STARD13: variants seen among roughly 807,000 people sequenced by gnomAD.
STARD13 encodes the protein stAR-related lipid transfer protein 13.
In STARD13, 62 loss-of-function variants were observed where a neutral mutation model predicts 106.4. That is an observed-to-expected ratio of 0.58 (90% CI 0.48 to 0.72). STARD13 has a LOEUF of 0.72. Ranked by LOEUF, STARD13 falls within the 30% of genes least tolerant of loss-of-function variation. The pLI, the probability that STARD13 is intolerant of heterozygous loss-of-function variation, is 0.00. For missense variants in STARD13, 1,387 were observed against 1,424.0 expected (o/e 0.97, Z 0.42); for synonymous variants, 565 against 553.0 (o/e 1.02, Z -0.31).
intron 1 of STARD13, chr13:33,276,004 G>T (rs554840040): frequency 6.6e-6 from 1 of 152,156 alleles, no homozygotes; most frequent in Non-Finnish European, 1.5e-5. Context: ...GAATTCCTTC[G>T]CAGGCTTCTT....
intron 1 of STARD13, among the ~76,000 whole-genome samples, chr13:33,301,904 T>C (rs1184062371): frequency 6.6e-6 from 1 of 152,278 alleles, no homozygotes; most frequent in East Asian, 1.9e-4. Flanking sequence ...AGACTGGACT[T>C]GCCCATTTCT....
At chr13:33,623,803 TA>T in the STARD13 span, among the ~76,000 whole-genome samples, 5,111 of 151,886 alleles carry the variant, frequency 0.034, 210 homozygotes, top group East Asian at 0.17. Flanking sequence ...AAAAAAGTGT[TA>T]AAAAAAGACT....
At chr13:33,256,182 G>A (rs549007364) in intron 1 of STARD13, among the ~76,000 whole-genome samples, 4 of 152,312 alleles carry the variant, frequency 2.6e-5, no homozygotes, top group Admixed American at 1.3e-4. Context: ...CCTGTCACCA[G>A]CCCTGGGCTG....
At chr13:33,625,067 C>A in the STARD13 span, among the ~76,000 whole-genome samples, 10 of 152,352 alleles carry the variant, frequency 6.6e-5, no homozygotes, top group South Asian at 2.1e-3. Context: ...CTTTTGCTTC[C>A]TGTCCCTTCT....
At chr13:33,127,685 C>G in intron 5 of STARD13, 139 bp from the exon 6 acceptor site, 1 of 758,022 alleles carries the variant, frequency 1.3e-6, no homozygotes, top group Admixed American at 3.7e-5. Context: ...GAACAGAAGA[C>G]ACAAGTGTGC....
chr13:33,481,447 T>G, the STARD13 span, among the ~76,000 whole-genome samples: 9 of 152,206 alleles, frequency 5.9e-5, no homozygotes, highest in Non-Finnish European at 8.8e-5. Context: ...CACAGTCTAT[T>G]TGTGCTTTTA....
At chr13:33,105,770 G>T in intron 13 of STARD13, 60 bp from the exon 14 acceptor site, 2 of 1,438,608 alleles carry the variant, frequency 1.4e-6, no homozygotes, top group Non-Finnish European at 2.0e-6. Flanking sequence ...ACAGCAATTA[G>T]TTTTGGTGGA....
At chr13:33,664,207 C>T in the STARD13 span, among the ~76,000 whole-genome samples, 4 of 152,320 alleles carry the variant, frequency 2.6e-5, no homozygotes, top group East Asian at 5.8e-4. Context: ...CTCCATTCAG[C>T]GAACCTGCTC....
chr13:33,544,779 T>C, the STARD13 span, among the ~76,000 whole-genome samples: 1 of 144,140 alleles, frequency 6.9e-6, no homozygotes, highest in African/African-American at 2.6e-5. Flanking sequence ...TCTTTTTTTT[T>C]TTTTTTTTTT....
the STARD13 span, among the ~76,000 whole-genome samples, chr13:33,613,847 C>T: frequency 6.6e-6 from 1 of 152,160 alleles, no homozygotes; most frequent in African/African-American, 2.4e-5. Context: ...GGAAAGGACA[C>T]AAAAGAACTT....
upstream of STARD13, among the ~76,000 whole-genome samples, chr13:33,289,689 G>A (rs188752299): frequency 8.5e-5 from 13 of 152,286 alleles, no homozygotes; most frequent in African/African-American, 3.1e-4. Context: ...ATACTGGAAT[G>A]CCTACATGGA....
chr13:33,448,045 CGTT>C, the STARD13 span, among the ~76,000 whole-genome samples: 1 of 152,020 alleles, frequency 6.6e-6, no homozygotes, highest in African/African-American at 2.4e-5. Flanking sequence ...ACTAAATTAT[CGTT>C]ATTATTATTA....
intron 1 of STARD13, among the ~76,000 whole-genome samples, chr13:33,254,838 A>G (rs1166517176): frequency 6.6e-6 from 1 of 152,110 alleles, no homozygotes; most frequent in Non-Finnish European, 1.5e-5. Context: ...TTGGCTCCCC[A>G]TCCATCCCAC....
chr13:33,494,735 T>C, the STARD13 span, among the ~76,000 whole-genome samples: 1 of 152,080 alleles, frequency 6.6e-6, no homozygotes, highest in African/African-American at 2.4e-5. Context: ...CTTTTTTTTT[T>C]TATTTCACTA....
At chr13:33,617,492 T>A in the STARD13 span, among the ~76,000 whole-genome samples, 12 of 152,346 alleles carry the variant, frequency 7.9e-5, no homozygotes, top group South Asian at 2.5e-3. Flanking sequence ...TTCTTGTATT[T>A]TGAATCTTTT....
the STARD13 span, among the ~76,000 whole-genome samples, chr13:33,479,431 G>A: frequency 2.2e-4 from 33 of 152,228 alleles, no homozygotes; most frequent in Admixed American, 2.0e-4. Context: ...ATACTACATC[G>A]TGGCATTATT....
Position 33,281,048 on chromosome 13 carries a change from A to G in STARD13, c.169+4422T>C, listed in dbSNP as rs896739455. 6 of 152,196 alleles carry G rather than the reference A, an allele frequency of 3.9e-5. No individual in the cohort carries two copies. In the East Asian group the frequency reaches 1.2e-3, roughly 29 times the overall value. 9.4% of individuals were successfully genotyped at this position (152,196 alleles called of 1,614,324 possible). A position where few individuals can be genotyped will look rare whatever the true frequency, so the allele number is the denominator to read the frequency against. On this transcript the variant is annotated intron_variant, in intron 1 of 13. Coordinates refer to ENST00000336934, the MANE Select transcript of STARD13 (RefSeq NM_178006.4). The stretch of plus-strand genomic sequence containing the variant: ...TTTTAGGTTCTAGTATGTTACGTTT[A>G]TGTTCCCCTGCTTTCTACAATCCTG...
chr13:33,622,535 A>C, the STARD13 span, among the ~76,000 whole-genome samples: 1 of 141,506 alleles, frequency 7.1e-6, no homozygotes, highest in Non-Finnish European at 1.5e-5. Flanking sequence ...GCTACTAGGG[A>C]GGCAGACGCA....
the STARD13 span, among the ~76,000 whole-genome samples, chr13:33,387,418 G>T: frequency 6.6e-6 from 1 of 152,170 alleles, no homozygotes; most frequent in Non-Finnish European, 1.5e-5. Context: ...GCCCATGTTT[G>T]CTGGCCCTGT....
Sources: allele counts gnomAD v4.1 joint callset (sites outside exome capture counted in the v4.1 genomes callset), GRCh38; gene constraint gnomAD v4.1.1; transcripts MANE v1.5; gene names NCBI Gene and HGNC (gene_info 2026-07-23, HGNC 2026-07-21).